RAP1GAP2: variants seen among roughly 807,000 people sequenced by gnomAD.
RAP1GAP2 encodes the protein rap1 GTPase-activating protein 2.
In RAP1GAP2, 27 loss-of-function variants were observed where a neutral mutation model predicts 95.0. That is an observed-to-expected ratio of 0.28 (90% CI 0.21 to 0.39). RAP1GAP2 has a LOEUF of 0.39. RAP1GAP2 is among the 10% of genes least tolerant of loss of function. The pLI is 1.00. For synonymous variants in RAP1GAP2, 373 were observed against 380.9 expected (o/e 0.98, Z 0.24); for missense variants, 771 against 970.0 (o/e 0.79, Z 2.72).
chr17:2,925,510 G>A (rs1196885115), intron 3 of RAP1GAP2, among the ~76,000 whole-genome samples: 1 of 152,138 alleles, frequency 6.6e-6, no homozygotes, highest in Non-Finnish European at 1.5e-5. Context: ...CACGAGAACA[G>A]CGTGGGGAAA....
chr17:2,757,355 C>G (rs568763784), intron 1 of RAP1GAP2, among the ~76,000 whole-genome samples: 1 of 152,120 alleles, frequency 6.6e-6, no homozygotes, highest in Non-Finnish European at 1.5e-5. Context: ...CTCCTGGGCT[C>G]GAGCGATCTA....
chr17:2,925,767 TG>T (rs954686018), intron 3 of RAP1GAP2, among the ~76,000 whole-genome samples: 2 of 152,000 alleles, frequency 1.3e-5, no homozygotes, highest in African/African-American at 4.8e-5. Flanking sequence ...CCAGCAGCCC[TG>T]GTCAGATCTG....
chr17:3,017,042 G>C (rs1003503718), intron 17 of RAP1GAP2, among the ~76,000 whole-genome samples: 2 of 152,304 alleles, frequency 1.3e-5, no homozygotes, highest in Admixed American at 1.3e-4. Flanking sequence ...TTTGGAGCCA[G>C]AGAGAGCATC....
chr17:2,913,859 G>C (rs545158430), intron 3 of RAP1GAP2, among the ~76,000 whole-genome samples: 1 of 151,452 alleles, frequency 6.6e-6, no homozygotes, highest in East Asian at 2.0e-4. Context: ...AGTGAGTTTT[G>C]TCTGTTCTAG....
At chr17:2,997,038 C>A (rs1213927654) in intron 13 of RAP1GAP2, among the ~76,000 whole-genome samples, 3 of 152,094 alleles carry the variant, frequency 2.0e-5, no homozygotes, top group Admixed American at 2.0e-4. Flanking sequence ...TGCAGTGGTG[C>A]GATCATAGCT....
At chr17:2,766,980 C>A (rs891615545) in intron 1 of RAP1GAP2, among the ~76,000 whole-genome samples, 11 of 151,660 alleles carry the variant, frequency 7.3e-5, no homozygotes, top group African/African-American at 2.7e-4. Context: ...GGCAGCTGCA[C>A]AGTTTTTTTT....
rs574362614 is a variant in RAP1GAP2 at position 2,827,583 on chromosome 17, G to GGAGCAA, written c.80+27035_80+27036insGCAAGA. Reference sequence around the variant, plus strand: ...AGCACTTTGGGAGGCCAAGGCGGGTGGATCACCTGAGGTCAGGGGTTCAAG... The same window carrying GGAGCAA: ...AGCACTTTGGGAGGCCAAGGCGGGTGGAGCAAGATCACCTGAGGTCAGGGGTTCAAG... On this transcript the variant is annotated intron_variant, in intron 2 of 24. Transcript: ENST00000254695. The surrounding 1 kb of genome is among the most constrained non-coding windows in gnomAD (Gnocchi z 4.1). 2.4e-3 allele frequency among the ~76,000 whole-genome samples: 367 copies of GGAGCAA among 152,114 alleles called. No homozygotes were observed. The highest frequency in any genetic ancestry group is 8.4e-3 in the African/African-American group (349 of 41,492).
intron 23 of RAP1GAP2, 91 bp downstream of exon 23, chr17:3,031,089 C>T (rs1814392856): frequency 3.7e-6 from 5 of 1,343,864 alleles, no homozygotes; most frequent in East Asian, 2.5e-5. Context: ...TCAGACATCC[C>T]AGAGGGGGCT....
chr17:2,977,331 A>G (rs2045165697), intron 8 of RAP1GAP2, among the ~76,000 whole-genome samples: 1 of 152,210 alleles, frequency 6.6e-6, no homozygotes, highest in Admixed American at 6.5e-5. Flanking sequence ...ATTCACCACT[A>G]AAGAATTTGA....
intron 3 of RAP1GAP2, among the ~76,000 whole-genome samples, chr17:2,935,069 G>A (rs902385803): frequency 6.6e-6 from 1 of 152,154 alleles, no homozygotes; most frequent in African/African-American, 2.4e-5. Context: ...TAGAGTGAAG[G>A]CTCAAAACTT....
intron 10 of RAP1GAP2, among the ~76,000 whole-genome samples, chr17:2,982,517 A>G (rs770227276): frequency 2.0e-5 from 3 of 152,176 alleles, no homozygotes; most frequent in Non-Finnish European, 4.4e-5. Context: ...GGCTGAGCGA[A>G]TGGCGGAGTC....
intron 2 of RAP1GAP2, among the ~76,000 whole-genome samples, chr17:2,862,783 A>G (rs1201155311): frequency 6.6e-6 from 1 of 152,110 alleles, no homozygotes; most frequent in Non-Finnish European, 1.5e-5. Context: ...GGATCACTCA[A>G]GGCTGGGAGT....
intron 14 of RAP1GAP2, among the ~76,000 whole-genome samples, chr17:3,000,715 C>T (rs112652743): frequency 3.4e-3 from 90 of 26,554 alleles, no homozygotes; most frequent in African/African-American, 9.6e-3. Flanking sequence ...AGCCTCAGGG[C>T]CTTCCTGATG....
chr17:2,854,143 G>C (rs959766569), intron 2 of RAP1GAP2: 18 of 985,284 alleles, frequency 1.8e-5, no homozygotes, highest in Non-Finnish European at 2.0e-5. Flanking sequence ...CCGCTCTCCT[G>C]CTGCATGCCA....
At chr17:2,813,022 G>C (rs2069840128) in intron 2 of RAP1GAP2, among the ~76,000 whole-genome samples, 1 of 149,750 alleles carries the variant, frequency 6.7e-6, no homozygotes, top group Non-Finnish European at 1.5e-5. Context: ...TGCCCAGGTT[G>C]TACCCAGTTC....
chr17:2,920,287 G>A (rs1050354089), intron 3 of RAP1GAP2, among the ~76,000 whole-genome samples: 2 of 152,044 alleles, frequency 1.3e-5, no homozygotes, highest in Non-Finnish European at 2.9e-5. Context: ...GTGAGGGCTC[G>A]GCTCTGTCTC....
intron 3 of RAP1GAP2, among the ~76,000 whole-genome samples, chr17:2,918,001 C>G (rs2042625490): frequency 6.6e-6 from 1 of 151,190 alleles, no homozygotes; most frequent in South Asian, 2.2e-4. Flanking sequence ...CAGGCATAAG[C>G]CACTGCACCT....
chr17:2,800,260 C>T, intron 1 of RAP1GAP2: 4 of 979,890 alleles, frequency 4.1e-6, no homozygotes, highest in Non-Finnish European at 4.8e-6. Flanking sequence ...TTTTACCTTT[C>T]TGAGCCTGGG....
intron 12 of RAP1GAP2, among the ~76,000 whole-genome samples, chr17:2,992,045 C>T (rs57666102): frequency 0.025 from 3,813 of 152,216 alleles, 164 homozygotes; most frequent in African/African-American, 0.086. Context: ...GGATTACCGG[C>T]GTGAGCCGCC....
Sources: gnomAD v4.1 joint callset for allele counts (sites outside exome capture counted in the v4.1 genomes callset) on GRCh38, gnomAD v4.1.1 for gene constraint, Gnocchi (gnomAD v3.1) non-coding constraint, MANE v1.5 for transcripts, NCBI Gene and HGNC (gene_info 2026-07-23, HGNC 2026-07-21) for gene names.